EPHB1: variants seen among roughly 807,000 people sequenced by gnomAD.
EPHB1 encodes EPH receptor B1, also known as ephrin type-B receptor 1.
Under a neutral mutation model 94.4 loss-of-function variants are expected in EPHB1, and 30 were observed. The ratio of observed to expected loss-of-function variants is 0.32; its 90% confidence interval spans 0.24 to 0.43. The LOEUF (loss-of-function observed/expected upper bound fraction) is 0.43. Among genes scored for constraint, EPHB1 ranks in the 20% least tolerant of loss-of-function variants. The pLI is 1.00. For missense variants in EPHB1, 1,055 were observed against 1,308.3 expected (o/e 0.81, Z 2.99); for synonymous variants, 522 against 489.1 (o/e 1.07, Z -0.89).
intron 1 of EPHB1, among the ~76,000 whole-genome samples, chr3:134,819,050 A>G (rs1193117507): frequency 3.3e-5 from 5 of 152,184 alleles, no homozygotes; most frequent in African/African-American, 1.2e-4. Context: ...GTTAGTAGCC[A>G]GTTTATGAGT....
intron 12 of EPHB1, among the ~76,000 whole-genome samples, chr3:135,239,278 G>A (rs1458059648): frequency 2.3e-5 from 3 of 133,278 alleles, no homozygotes; most frequent in Admixed American, 2.2e-4. Flanking sequence ...ACACTTTGCT[G>A]TTTGCTCCTT....
In EPHB1 at chr3:135,052,909, ATGTGTG is replaced by A. The variant is rs745760849; in HGVS notation, c.806-53521_806-53516del. On this transcript the variant is annotated intron_variant, in intron 3 of 15. Transcript: ENST00000398015. ...AAAAAAAATATATATATATATATATATGTGTGTGTGTGTGTGTGTGTGTATATATGT... is the reference window on the plus strand; with the variant it reads ...AAAAAAAATATATATATATATATATATGTGTGTGTGTGTGTGTATATATGT... Among the ~76,000 whole-genome samples, 79 of 68,848 alleles carry A rather than the reference ATGTGTG, an allele frequency of 1.1e-3. 3 individuals are homozygous for A. The East Asian group carries it at 0.021, about 18-fold the overall frequency. The allele number at this position is 68,848 out of a possible 152,430, so 45.2% of individuals were successfully genotyped here.
chr3:134,957,950 T>A (rs1933344814), intron 3 of EPHB1, among the ~76,000 whole-genome samples: 2 of 152,208 alleles, frequency 1.3e-5, no homozygotes, highest in Admixed American at 1.3e-4. Flanking sequence ...CAGCTCTCGA[T>A]GTGCCTGTCT....
At chr3:134,810,276 AGTGTGTGT>A (rs35841212) in intron 1 of EPHB1, among the ~76,000 whole-genome samples, 24 of 145,882 alleles carry the variant, frequency 1.6e-4, no homozygotes, top group East Asian at 4.1e-4. Context: ...GCACAGGAGG[AGTGTGTGT>A]GTGTGTGTGT....
intron 10 of EPHB1, among the ~76,000 whole-genome samples, chr3:135,183,522 A>G (rs116507407): frequency 6.9e-4 from 105 of 152,248 alleles, no homozygotes; most frequent in Admixed American, 2.5e-3. Context: ...AATATACTCA[A>G]TGCCTAACAA....
At chr3:134,995,076 A>G (rs1934946027) in intron 3 of EPHB1, among the ~76,000 whole-genome samples, 1 of 152,148 alleles carries the variant, frequency 6.6e-6, no homozygotes, top group Non-Finnish European at 1.5e-5. Context: ...TAGTCAAGAC[A>G]CAGAACAGTT....
At chr3:135,224,198 C>T (rs985079272) in intron 12 of EPHB1, among the ~76,000 whole-genome samples, 8 of 152,206 alleles carry the variant, frequency 5.3e-5, no homozygotes, top group East Asian at 1.9e-4. Flanking sequence ...TGCACAACAA[C>T]GAAATCATCT....
At chr3:135,231,935 G>A (rs576124153) in intron 12 of EPHB1, among the ~76,000 whole-genome samples, 2 of 152,296 alleles carry the variant, frequency 1.3e-5, no homozygotes, top group South Asian at 2.1e-4. Context: ...CATCAAGATT[G>A]TGGCTTCTGG....
At chr3:134,887,103 C>T (rs1295174838) in intron 1 of EPHB1, among the ~76,000 whole-genome samples, 1 of 152,118 alleles carries the variant, frequency 6.6e-6, no homozygotes, top group Non-Finnish European at 1.5e-5. Flanking sequence ...GTGGGTTGGC[C>T]AGGTCGTTTC....
intron 1 of EPHB1, among the ~76,000 whole-genome samples, chr3:134,900,285 C>T (rs971824966): frequency 6.6e-6 from 1 of 152,168 alleles, no homozygotes; most frequent in African/African-American, 2.4e-5. Context: ...TTTAGGTCTC[C>T]TAGTGGTCCC....
rs994827937 is a variant in EPHB1, at chr3:134,825,419, T to C, written c.58+29730T>C. On this transcript the variant is annotated intron_variant, in intron 1 of 15. Coordinates refer to ENST00000398015, the MANE Select transcript of EPHB1 (RefSeq NM_004441.5). ...TAGCCAAGCATCCCAGCAATTGAGA[T>C]TGAATGAGTGTCCCTTGCAGGGTTT... Among the ~76,000 whole-genome samples the C allele has an allele frequency of 2.0e-5, 3 of 152,348 alleles. No homozygotes were observed. The South Asian group carries it at 6.2e-4, about 32-fold the overall frequency.
At chr3:134,872,604 A>G (rs780545902) in intron 1 of EPHB1, among the ~76,000 whole-genome samples, 2 of 152,220 alleles carry the variant, frequency 1.3e-5, no homozygotes, top group Non-Finnish European at 2.9e-5. Flanking sequence ...TGACAATCCA[A>G]CTAACAATAT....
rs1299532707 is a variant in EPHB1, at chr3:135,145,317, T to C, written c.1298-8835T>C. ...AAATACAAACTTTGGTTTTTTGATA[T>C]GGGAAGTGTTTCATATATTTAAAAA... On this transcript the variant is annotated intron_variant, in intron 5 of 15. Coordinates refer to ENST00000398015, the MANE Select transcript of EPHB1 (RefSeq NM_004441.5). 2.0e-5 allele frequency among the ~76,000 whole-genome samples: 3 copies of C among 152,312 alleles called. No individual in the cohort carries two copies. The East Asian group carries it at 5.8e-4, about 29-fold the overall frequency.
At position 134,959,966 on chromosome 3, in the gene EPHB1, C is replaced by CTTT. The variant is rs61369813; in HGVS notation, c.805+7954_805+7956dup. On this transcript the variant is annotated intron_variant, in intron 3 of 15. Coordinates refer to ENST00000398015, the MANE Select transcript of EPHB1 (RefSeq NM_004441.5). ...AGAATTTGAGCACAAACATCTGCAC[C>CTTT]TTTTTTTTTTTTTTTTTTTTTTTTT... Among the ~76,000 whole-genome samples the CTTT allele has an allele frequency of 1.3e-3, 136 of 107,406 alleles. 17 individuals are homozygous for CTTT. Among genetic ancestry groups the CTTT allele is most frequent in the East Asian group, 5.4e-3 (13 of 2,422 alleles). 70.5% of individuals were successfully genotyped at this position (107,406 alleles called of 152,430 possible).
At chr3:135,014,854 C>T (rs1409073306) in intron 3 of EPHB1, among the ~76,000 whole-genome samples, 2 of 152,228 alleles carry the variant, frequency 1.3e-5, no homozygotes, top group Admixed American at 1.3e-4. Flanking sequence ...ATCACCCTCT[C>T]TTTTATGAGT....
At chr3:134,840,275 A>T (rs2036752190) in intron 1 of EPHB1, among the ~76,000 whole-genome samples, 1 of 152,252 alleles carries the variant, frequency 6.6e-6, no homozygotes, top group Admixed American at 6.5e-5. Context: ...CTAGACCCAG[A>T]TGCCTACTGG....
chr3:135,086,122 A>G (rs1938352048), intron 3 of EPHB1, among the ~76,000 whole-genome samples: 1 of 152,130 alleles, frequency 6.6e-6, no homozygotes, highest in South Asian at 2.1e-4. Flanking sequence ...CAAAAGAGAT[A>G]TGAGAGGATG....
At chr3:135,007,290 CT>C (rs1229520807) in intron 3 of EPHB1, among the ~76,000 whole-genome samples, 1 of 152,124 alleles carries the variant, frequency 6.6e-6, no homozygotes, top group Non-Finnish European at 1.5e-5. Context: ...AGGAAGTTCA[CT>C]TTTTTTCTGA....
chr3:135,162,179 C>T lies in EPHB1; in HGVS notation c.1584C>T (p.Asp528=), dbSNP rs1014932094. 29 of 1,599,672 alleles carry T rather than the reference C, an allele frequency of 1.8e-5. No individual in the cohort carries two copies. The African/African-American group carries it at 2.0e-4, about 11-fold the overall frequency. ...AGATGTGCTTCCAGACTCTGACTGA[C>T]GGTAAGGGTCGGGGAGGGCAGTGGC... ...SGKMCFQTLT[D]DDYKSELREQ... is the part of the protein sequence containing the mutation. Residue 528 remains aspartate (D), a splice_region_variant and synonymous_variant, in exon 7 of 16, where the codon GAC becomes GAT. Transcript: ENST00000398015.
Sources: gnomAD v4.1 joint callset for allele counts (sites outside exome capture counted in the v4.1 genomes callset) on GRCh38, gnomAD v4.1.1 for gene constraint, MANE v1.5 for transcripts, NCBI Gene and HGNC (gene_info 2026-07-23, HGNC 2026-07-21) for gene names.